Variants in AFF3 observed in about 807,000 individuals in gnomAD.
AFF3 encodes the protein AF4/FMR2 family member 3.
Under a neutral mutation model 129.7 loss-of-function variants are expected in AFF3, and 32 were observed. The observed-to-expected ratio is 0.25, with a 90% CI of 0.19 to 0.33. The LOEUF (loss-of-function observed/expected upper bound fraction) is 0.33. AFF3 is among the 10% of genes least tolerant of loss of function. The pLI is 1.00. For synonymous variants in AFF3, 644 were observed against 635.4 expected, an observed-to-expected ratio of 1.01 and a Z score of -0.20; for missense variants, 1,373 against 1,592.0, an observed-to-expected ratio of 0.86 and a Z score of 2.34.
In AFF3 at chr2:99,679,300, A is replaced by G. The variant is rs745370694; in HGVS notation, c.1092-6711T>C. ...TCATCCATGATCCTGTAACTCTGCC[A>G]TGTTGAACCTGGGGTGAAGGTGCAC... On this transcript the variant is annotated intron_variant, in intron 11 of 24. Coordinates refer to ENST00000672756, the MANE Select transcript of AFF3 (RefSeq NM_001386135.1). 7.4e-4 allele frequency among the ~76,000 whole-genome samples: 113 copies of G among 152,276 alleles called. 2 individuals are homozygous for G. Among genetic ancestry groups the G allele is most frequent in the Middle Eastern group, 3.4e-3 (1 of 294 alleles).
At chr2:100,134,634 C>T (rs752523793) in intron 1 of AFF3, among the ~76,000 whole-genome samples, 3 of 152,198 alleles carry the variant, frequency 2.0e-5, no homozygotes, top group East Asian at 3.9e-4. Flanking sequence ...TATTATCTCA[C>T]ATGACGATCC....
chr2:99,697,867 T>C (rs1676448057), intron 11 of AFF3, among the ~76,000 whole-genome samples: 1 of 152,240 alleles, frequency 6.6e-6, no homozygotes, highest in South Asian at 2.1e-4. Flanking sequence ...TTCACAAACA[T>C]TGTTTTATGA....
intron 7 of AFF3, among the ~76,000 whole-genome samples, chr2:99,841,933 G>A (rs1689345317): frequency 6.6e-6 from 1 of 152,158 alleles, no homozygotes; most frequent in African/African-American, 2.4e-5. Flanking sequence ...TAGTATTGGG[G>A]TAAATTTCCT....
intron 8 of AFF3, among the ~76,000 whole-genome samples, chr2:99,773,032 C>T (rs6731353): frequency 0.1 from 15,759 of 152,216 alleles, 2,532 homozygotes; most frequent in African/African-American, 0.34. Context: ...GGAGGCTCTG[C>T]GACTTTCACC....
intron 11 of AFF3, among the ~76,000 whole-genome samples, chr2:99,696,006 A>G (rs1676228812): frequency 6.6e-6 from 1 of 150,458 alleles, no homozygotes; most frequent in Admixed American, 6.6e-5. Context: ...CAAAGCCCCA[A>G]CCACTCCAAC....
rs1308648760 is a variant in AFF3, at chr2:99,823,578, G to A, written c.921+13899C>T. 3.9e-5 allele frequency among the ~76,000 whole-genome samples: 6 copies of A among 152,128 alleles called. No individual in the cohort carries two copies. In the East Asian group the frequency reaches 7.7e-4, roughly 20 times the overall value. On this transcript the variant is annotated intron_variant, in intron 8 of 24. Transcript: ENST00000672756. The stretch of plus-strand genomic sequence containing the variant: ...ATTATAAGTGTAAAATAAGCATGCT[G>A]ATCATATGATTTTAACTAGGTTTCA...
intron 11 of AFF3, among the ~76,000 whole-genome samples, chr2:99,676,416 C>T (rs948173639): frequency 6.6e-6 from 1 of 152,174 alleles, no homozygotes; most frequent in Non-Finnish European, 1.5e-5. Flanking sequence ...GGGACTCCAG[C>T]GTCACACTGC....
intron 4 of AFF3, among the ~76,000 whole-genome samples, chr2:100,019,826 T>TG (rs1054597601): frequency 6.6e-6 from 1 of 152,042 alleles, no homozygotes; most frequent in Admixed American, 6.5e-5. Context: ...TCCTCCTCTC[T>TG]GGGGGGAGCC....
chr2:99,792,775 A>AT (rs1167442020), intron 8 of AFF3, among the ~76,000 whole-genome samples: 1 of 152,144 alleles, frequency 6.6e-6, no homozygotes, highest in Non-Finnish European at 1.5e-5. Flanking sequence ...ATACTGACTG[A>AT]TTTTTGTACG....
In AFF3 at chr2:99,593,509, C is replaced by A; in HGVS notation, c.2152G>T (p.Gly718Cys). ...ATGGAGCCTACAGGGGCCCTAGGAC[C>A]ACTGCCCCCGTTGGCAGCGGCCTCC... ...LKEAAANGGSGPRAPVGSINA... is the reference protein window; with the variant it reads ...LKEAAANGGSCPRAPVGSINA... The change falls in exon 15 of 25, where the codon GGT becomes TGT. Residue 718 changes from glycine to cysteine, a missense_variant. By Grantham distance (159) the Gly-to-Cys change is radical. This residue lies in a region of AFF3 where 466 missense variants were observed against 505.0 expected (regional missense o/e 0.92). Transcript: ENST00000672756. 1.2e-6 allele frequency: 2 copies of A among 1,613,376 alleles called. No homozygotes were observed. The highest frequency in any genetic ancestry group is 1.7e-6 in the Non-Finnish European group (2 of 1,179,830).
At chr2:100,070,418 G>A (rs1248487405) in intron 4 of AFF3, among the ~76,000 whole-genome samples, 1 of 152,156 alleles carries the variant, frequency 6.6e-6, no homozygotes. Flanking sequence ...ACTTTTTGGA[G>A]CAGTCATGTT....
intron 13 of AFF3, among the ~76,000 whole-genome samples, chr2:99,648,907 A>ACTCTCTCTCTCTCTCTCT (rs1464965146): frequency 1.0e-4 from 4 of 39,238 alleles, no homozygotes; most frequent in African/African-American, 2.0e-4. Context: ...ACACACACAC[A>ACTCTCTCTCTCTCTCTCT]CACACACACA....
rs1674280680 is a variant in AFF3 at position 99,549,778 on chromosome 2, G to A, written c.*1696C>T. The A allele has an allele frequency of 4.6e-6, 1 of 218,948 alleles. No homozygotes were observed. Among genetic ancestry groups the A allele is most frequent in the Admixed American group, 5.8e-5 (1 of 17,148 alleles). The allele number at this position is 218,948 out of a possible 1,614,324, so 13.6% of individuals were successfully genotyped here. On this transcript the variant is annotated 3_prime_UTR_variant, in exon 25 of 25. Coordinates refer to ENST00000672756, the MANE Select transcript of AFF3 (RefSeq NM_001386135.1). ...TTTTGAATCAGTGCTCAGAGCTAAG[G>A]AATTATGATGATCTTACTTCCCACC... is the stretch of plus-strand genomic sequence containing the variant.
chr2:99,574,517 T>G (rs731638), intron 18 of AFF3, among the ~76,000 whole-genome samples: 5,045 of 152,082 alleles, frequency 0.033, 140 homozygotes, highest in African/African-American at 0.068. Flanking sequence ...TTCACCTGCA[T>G]GTAGATTCCT....
chr2:99,572,299 C>G (rs1248875427), intron 18 of AFF3, among the ~76,000 whole-genome samples: 1 of 122,356 alleles, frequency 8.2e-6, no homozygotes, highest in African/African-American at 3.1e-5. Context: ...CACCACCCCC[C>G]CCCCCCCACC....
In AFF3 at chr2:99,548,410, T is replaced by C. The variant is rs1220665759; in HGVS notation, c.*3064A>G. 5.1e-6 allele frequency: 1 copy of C among 196,534 alleles called. No individual in the cohort carries two copies. The highest frequency in any genetic ancestry group is 1.1e-5 in the Non-Finnish European group (1 of 94,572). 12.2% of individuals were successfully genotyped at this position (196,534 alleles called of 1,614,324 possible). ...TTTGAGTTTTTACAATGAGTAGATA[T>C]TACTTTTCTAATTAGAAAACACAAG... On this transcript the variant is annotated 3_prime_UTR_variant, in exon 25 of 25. Transcript: ENST00000672756.
At chr2:99,992,704 G>A (rs1680469187) in intron 7 of AFF3, among the ~76,000 whole-genome samples, 1 of 152,168 alleles carries the variant, frequency 6.6e-6, no homozygotes, top group Admixed American at 6.5e-5. Flanking sequence ...TTAGATCTTG[G>A]GCTCAGGTGT....
chr2:99,878,154 G>A (rs150065517), intron 7 of AFF3, among the ~76,000 whole-genome samples: 6 of 152,222 alleles, frequency 3.9e-5, no homozygotes, highest in Non-Finnish European at 5.9e-5. Flanking sequence ...AACAAGAAGC[G>A]GAAAGAGGAA....
intron 2 of AFF3, among the ~76,000 whole-genome samples, chr2:100,127,669 G>A (rs1692255479): frequency 6.6e-6 from 1 of 152,234 alleles, no homozygotes; most frequent in Admixed American, 6.5e-5. Flanking sequence ...TTGTTACCCA[G>A]AGGCCTGGAG....
Sources: allele counts gnomAD v4.1 joint callset (sites outside exome capture counted in the v4.1 genomes callset), GRCh38; gene constraint gnomAD v4.1.1; regional missense constraint gnomAD v4.1.1; transcripts MANE v1.5; gene names NCBI Gene and HGNC (gene_info 2026-07-23, HGNC 2026-07-21).